Variants in RRBP1 observed in about 807,000 individuals in gnomAD.
RRBP1 encodes ribosome-binding protein 1.
A neutral mutation model predicts 165.2 loss-of-function variants in RRBP1; 94 were observed. The observed-to-expected ratio is 0.57, with a 90% CI of 0.48 to 0.68. The LOEUF (loss-of-function observed/expected upper bound fraction) is 0.68, where lower values mean the gene tolerates loss of function less well. Among genes scored for constraint, RRBP1 ranks in the 30% least tolerant of loss-of-function variants. RRBP1 has a pLI of 0.00. For missense variants in RRBP1, 1,676 were observed against 1,763.0 expected, an observed-to-expected ratio of 0.95 and a Z score of 0.88; for synonymous variants, 680 against 714.5, an observed-to-expected ratio of 0.95 and a Z score of 0.77.
intron 8 of RRBP1, among the ~76,000 whole-genome samples, chr20:17,630,334 C>G (rs775407301): frequency 3.3e-5 from 5 of 152,216 alleles, no homozygotes; most frequent in Non-Finnish European, 5.9e-5. Flanking sequence ...GGGCGGACAG[C>G]TTGGTGGGTC....
intron 2 of RRBP1, among the ~76,000 whole-genome samples, chr20:17,677,364 T>C (rs2037103049): frequency 6.6e-6 from 1 of 152,216 alleles, no homozygotes; most frequent in Non-Finnish European, 1.5e-5. Context: ...CTTCCAGTAG[T>C]CTTAGTGGGC....
chr20:17,681,466 C>T (rs1312443983), intron 1 of RRBP1, among the ~76,000 whole-genome samples: 1 of 148,390 alleles, frequency 6.7e-6, no homozygotes, highest in African/African-American at 2.4e-5. Flanking sequence ...CGGGCCGCGG[C>T]CCGGGACCGG....
intron 3 of RRBP1, among the ~76,000 whole-genome samples, chr20:17,651,868 TTG>T (rs573564588): frequency 2.0e-5 from 3 of 152,342 alleles, no homozygotes; most frequent in African/African-American, 7.2e-5. Flanking sequence ...CCATCTGCTC[TTG>T]GAGGAAAATC....
At chr20:17,615,019 G>A in intron 23 of RRBP1, 139 bp from the exon 24 acceptor site, 2 of 962,332 alleles carry the variant, frequency 2.1e-6, no homozygotes, top group Non-Finnish European at 3.1e-6. Flanking sequence ...CCCGGAGATA[G>A]GTGGTGACGA....
At chr20:17,628,714 T>C (rs896138339) in intron 9 of RRBP1, among the ~76,000 whole-genome samples, 1 of 152,228 alleles carries the variant, frequency 6.6e-6, no homozygotes, top group African/African-American at 2.4e-5. Flanking sequence ...CTCCGGGCCC[T>C]GTGCTGGCCT....
At chr20:17,634,609 G>C (rs1279884142) in intron 7 of RRBP1, among the ~76,000 whole-genome samples, 1 of 152,216 alleles carries the variant, frequency 6.6e-6, no homozygotes, top group Non-Finnish European at 1.5e-5. Flanking sequence ...GACTGGCAGG[G>C]CCACTGCCTC....
At chr20:17,655,714 C>G (rs895004827) in intron 3 of RRBP1, among the ~76,000 whole-genome samples, 4 of 152,224 alleles carry the variant, frequency 2.6e-5, no homozygotes, top group African/African-American at 9.7e-5. Context: ...CCCTTTGAGG[C>G]TCTTGATACA....
chr20:17,682,002 C>T (rs2037203190), intron 1 of RRBP1, 26 bp downstream of exon 1: 1 of 150,232 alleles, frequency 6.7e-6, no homozygotes, highest in South Asian at 2.1e-4. Flanking sequence ...CGCGCGGCCG[C>T]TGCAGGGCCC....
At chr20:17,619,276 G>GATC (rs2035862080) in intron 19 of RRBP1, 1 of 218,610 alleles carries the variant, frequency 4.6e-6, no homozygotes, top group Admixed American at 5.3e-5. Flanking sequence ...TGCTTCTGAA[G>GATC]AGCAGAAAAA....
chr20:17,635,095 G>T (rs903934813), intron 7 of RRBP1, among the ~76,000 whole-genome samples: 7 of 152,178 alleles, frequency 4.6e-5, no homozygotes, highest in Non-Finnish European at 1.0e-4. Flanking sequence ...TTTCTCGAGG[G>T]CTGCCACTGA....
In RRBP1 at chr20:17,660,502, A is replaced by G. The variant is rs763168241; in HGVS notation, c.6T>C (p.Asp2=). 4 of 1,611,722 alleles carry G rather than the reference A, an allele frequency of 2.5e-6. No homozygotes were observed. The East Asian group carries it at 8.9e-5, about 36-fold the overall frequency. The change falls in exon 3 of 25, where the codon GAT becomes GAC. Residue 2 remains aspartate (D), a synonymous_variant. Coordinates refer to ENST00000377813, the MANE Select transcript of RRBP1 (RefSeq NM_001365613.2). The part of the protein sequence containing the change: M[D]IYDTQTLGVV... ...CCCCCAAGGTTTGAGTGTCGTAAATATCCATCCTGGCTTGCTTTCCTTTCA... is the reference window on the plus strand; with the variant it reads ...CCCCCAAGGTTTGAGTGTCGTAAATGTCCATCCTGGCTTGCTTTCCTTTCA...
intron 3 of RRBP1, among the ~76,000 whole-genome samples, chr20:17,646,755 CAA>C (rs1012821288): frequency 1.3e-5 from 2 of 152,178 alleles, no homozygotes; most frequent in Non-Finnish European, 2.9e-5. Context: ...ACTCATCTGG[CAA>C]AGAGGCACTT....
intron 16 of RRBP1, 49 bp from the exon 17 acceptor site, chr20:17,620,856 C>T (rs753339587): frequency 3.7e-6 from 5 of 1,354,770 alleles, no homozygotes; most frequent in Non-Finnish European, 5.1e-6. Flanking sequence ...CCGAGACCCG[C>T]ACCACACAAC....
At position 17,660,444 on chromosome 20, in the gene RRBP1, C is replaced by A; in HGVS notation, c.64G>T (p.Ala22Ser). ...GTCGACACCAGGAAGATGCCAATGG[C>A]AGAAACAACCATGAATCCTCCAAAG... The part of the protein sequence containing the change: ...VVFGGFMVVS[A>S]IGIFLVSTFS... The change falls in exon 3 of 25, where the codon GCC (alanine) becomes TCC (serine). Residue 22 changes from alanine to serine, a missense_variant. By Grantham distance (99) the Ala-to-Ser change is moderately conservative. This residue lies in a region of RRBP1 where 392 missense variants were observed against 382.5 expected (regional missense o/e 1.02). Transcript: ENST00000377813. 6.2e-7 allele frequency: 1 copy of A among 1,614,194 alleles called. No individual in the cohort carries two copies. Among genetic ancestry groups the A allele is most frequent in the Non-Finnish European group, 8.5e-7 (1 of 1,180,042 alleles).
At chr20:17,673,392 T>G (rs1245730045) in intron 2 of RRBP1, among the ~76,000 whole-genome samples, 1 of 152,198 alleles carries the variant, frequency 6.6e-6, no homozygotes, top group Non-Finnish European at 1.5e-5. Context: ...CCATGCCACC[T>G]TGCTGTCCTG....
Position 17,633,455 on chromosome 20 carries a change from C to T in RRBP1, c.2610+5G>A. 1 of 1,612,638 alleles carries T rather than the reference C, an allele frequency of 6.2e-7. No homozygotes were observed. The highest frequency in any genetic ancestry group is 2.2e-5 in the East Asian group (1 of 44,866). ...GGCACTGAGGCGGCCACTGCCCCGA[C>T]TCACCTGCAGCTGCAGGACCTGCTT... is the stretch of plus-strand genomic sequence containing the variant. On this transcript the variant is annotated splice_donor_5th_base_variant and intron_variant, in intron 8 of 24. Transcript: ENST00000377813.
chr20:17,675,563 G>C (rs953362410), intron 2 of RRBP1, among the ~76,000 whole-genome samples: 1 of 152,132 alleles, frequency 6.6e-6, no homozygotes, highest in Non-Finnish European at 1.5e-5. Context: ...GGGGGTGGGA[G>C]AGCGTCAGAG....
At chr20:17,663,419 AAT>A (rs1224226681) in intron 2 of RRBP1, among the ~76,000 whole-genome samples, 1 of 152,236 alleles carries the variant, frequency 6.6e-6, no homozygotes, top group African/African-American at 2.4e-5. Context: ...AACGCACACA[AAT>A]ATATGTTTTA....
rs116770549 is a variant in RRBP1 at position 17,627,786 on chromosome 20, G to A, written c.2750-104C>T. ...TCTTAGCACATGTGGGGCACCGAGGGCTTCCTCCTGCCTCCTCTGTGTGTC... is the reference window on the plus strand; with the variant it reads ...TCTTAGCACATGTGGGGCACCGAGGACTTCCTCCTGCCTCCTCTGTGTGTC... On this transcript the variant is annotated intron_variant, in intron 9 of 24. Coordinates refer to ENST00000377813, the MANE Select transcript of RRBP1 (RefSeq NM_001365613.2). The A allele has an allele frequency of 1.0e-3, 1,134 of 1,084,434 alleles. 8 individuals carry two copies. In the African/African-American group the frequency reaches 0.016, roughly 16 times the overall value. The allele number at this position is 1,084,434 out of a possible 1,614,324, so 67.2% of individuals were successfully genotyped here. A position where few individuals can be genotyped will look rare whatever the true frequency, so the allele number is the denominator to read the frequency against.
Sources: allele counts gnomAD v4.1 joint callset (sites outside exome capture counted in the v4.1 genomes callset), GRCh38; gene constraint gnomAD v4.1.1; regional missense constraint gnomAD v4.1.1; transcripts MANE v1.5; gene names NCBI Gene and HGNC (gene_info 2026-07-23, HGNC 2026-07-21).